SNTG2: variants seen among roughly 807,000 people sequenced by gnomAD.
The protein encoded by SNTG2 is syntrophin gamma 2.
In SNTG2, 74 loss-of-function variants were observed where a neutral mutation model predicts 70.9. The ratio of observed to expected loss-of-function variants is 1.04; its 90% CI spans 0.86 to 1.27. The LOEUF (loss-of-function observed/expected upper bound fraction) is 1.27, where lower values mean the gene tolerates loss of function less well. Among genes scored for constraint, SNTG2 ranks in the 50% most tolerant of loss-of-function variants. The probability of loss-of-function intolerance (pLI) is 0.00; values close to 1 mark genes in which losing one functional copy is unlikely to be tolerated. For synonymous variants in SNTG2, 278 were observed against 273.8 expected (o/e 1.02, Z -0.15); for missense variants, 717 against 690.7 (o/e 1.04, Z -0.43).
At chr2:966,752 C>G (rs921462525) in intron 1 of SNTG2, among the ~76,000 whole-genome samples, 16 of 152,232 alleles carry the variant, frequency 1.1e-4, no homozygotes, top group African/African-American at 3.6e-4. Flanking sequence ...CGAGACCAGC[C>G]TGACCAACAT....
chr2:1,210,678 T>C (rs1673982296), intron 9 of SNTG2: 1 of 152,244 alleles, frequency 6.6e-6, no homozygotes, highest in Non-Finnish European at 1.5e-5. Flanking sequence ...GCTCTATTCA[T>C]GGTGAGTTTC....
chr2:1,162,058 T>C (rs551491992), intron 6 of SNTG2, among the ~76,000 whole-genome samples: 147 of 108,202 alleles, frequency 1.4e-3, no homozygotes, highest in African/African-American at 3.8e-3. Flanking sequence ...TGGGCGACAG[T>C]GAGACTCCGT....
chr2:1,245,911 T>C (rs1041764308), intron 11 of SNTG2, among the ~76,000 whole-genome samples: 2 of 152,070 alleles, frequency 1.3e-5, no homozygotes, highest in Non-Finnish European at 2.9e-5. Context: ...ATTCTACCCG[T>C]TTCATGATGG....
chr2:1,242,166 C>T (rs1677095673), intron 11 of SNTG2, among the ~76,000 whole-genome samples: 1 of 152,038 alleles, frequency 6.6e-6, no homozygotes, highest in South Asian at 2.1e-4. Context: ...CACGTTTTCT[C>T]CAAAAGTGGT....
intron 16 of SNTG2, among the ~76,000 whole-genome samples, chr2:1,320,066 T>G (rs1299001469): frequency 2.0e-5 from 3 of 152,196 alleles, no homozygotes; most frequent in Non-Finnish European, 4.4e-5. Context: ...GTGGTAACCA[T>G]GAAACAAGTT....
At chr2:1,150,514 G>A (rs1363406502) in intron 6 of SNTG2, among the ~76,000 whole-genome samples, 2 of 152,232 alleles carry the variant, frequency 1.3e-5, no homozygotes, top group East Asian at 3.9e-4. Context: ...GGCTTGGTGT[G>A]CGCCTCCTGA....
chr2:1,330,340 TC>T (rs1404154029), intron 16 of SNTG2, among the ~76,000 whole-genome samples: 2 of 152,216 alleles, frequency 1.3e-5, no homozygotes, highest in Admixed American at 1.3e-4. Flanking sequence ...TCTGTGGTGG[TC>T]TAAAGAATTT....
Position 1,154,999 on chromosome 2 carries a change from C to T in SNTG2, c.412-10549C>T, listed in dbSNP as rs1198289086. 6.1e-5 allele frequency among the ~76,000 whole-genome samples: 5 copies of T among 82,628 alleles called. No homozygotes were observed. In the East Asian group the frequency reaches 1.1e-3, roughly 18 times the overall value. 54.2% of individuals were successfully genotyped at this position (82,628 alleles called of 152,430 possible). On this transcript the variant is annotated intron_variant, in intron 6 of 16. Coordinates refer to ENST00000308624, the MANE Select transcript of SNTG2 (RefSeq NM_018968.4). ...ACCACATACACCACACATATACACA[C>T]ACACAAACAACACATAGTCATACAC...
rs762590893 is a variant in SNTG2, at chr2:1,247,380, A to C, written c.942A>C (p.Gln314His). 2 of 1,613,906 alleles carry C rather than the reference A, an allele frequency of 1.2e-6. No homozygotes were observed. Among genetic ancestry groups the C allele is most frequent in the Non-Finnish European group, 1.7e-6 (2 of 1,179,870 alleles). Residue 314 changes from glutamine (Q) to histidine (H), a missense_variant, in exon 12 of 17, where the codon CAA becomes CAC. Gln to His is a conservative substitution (Grantham distance 24, BLOSUM62 0). Coordinates refer to ENST00000308624, the MANE Select transcript of SNTG2 (RefSeq NM_018968.4). The stretch of plus-strand genomic sequence containing the variant: ...AACTCCAAGGAGCTGACTCCTCTCA[A>C]ACCTTCAGACCCAAGTTCCTAGCAC... The part of the protein sequence containing the change: ...NEKLQGADSS[Q>H]TFRPKFLALK...
At chr2:1,033,796 T>C (rs1660977072) in intron 1 of SNTG2, among the ~76,000 whole-genome samples, 1 of 152,170 alleles carries the variant, frequency 6.6e-6, no homozygotes, top group Non-Finnish European at 1.5e-5. Flanking sequence ...TTTCACAAAG[T>C]AACTCAAGAT....
chr2:985,704 G>A (rs1021682516), intron 1 of SNTG2, among the ~76,000 whole-genome samples: 1 of 152,128 alleles, frequency 6.6e-6, no homozygotes, highest in Non-Finnish European at 1.5e-5. Flanking sequence ...ACACAAGTTG[G>A]TAAGTAACCC....
intron 9 of SNTG2, among the ~76,000 whole-genome samples, chr2:1,213,509 C>T (rs1377172666): frequency 1.3e-5 from 2 of 152,064 alleles, no homozygotes; most frequent in Non-Finnish European, 2.9e-5. Flanking sequence ...TTAATAAAAA[C>T]AAGTAAGATA....
intron 4 of SNTG2, among the ~76,000 whole-genome samples, chr2:1,106,359 A>G (rs1435173327): frequency 3.3e-5 from 4 of 122,676 alleles, no homozygotes; most frequent in South Asian, 2.6e-4. Context: ...GGTGCAGGGT[A>G]TGGAGAGCTC....
At chr2:1,201,562 T>C (rs1673279536) in intron 8 of SNTG2, among the ~76,000 whole-genome samples, 1 of 151,824 alleles carries the variant, frequency 6.6e-6, no homozygotes, top group Non-Finnish European at 1.5e-5. Context: ...GCTATATGGC[T>C]TATGGAGGAA....
At chr2:1,059,445 C>G (rs1662674216) in intron 1 of SNTG2, 1 of 152,034 alleles carries the variant, frequency 6.6e-6, no homozygotes, top group Non-Finnish European at 1.5e-5. Flanking sequence ...GTGAAGTTTA[C>G]TAGAAGGATT....
intron 8 of SNTG2, 98 bp downstream of exon 8, chr2:1,173,281 G>C (rs892992899): frequency 9.0e-7 from 1 of 1,109,060 alleles, no homozygotes; most frequent in Non-Finnish European, 1.3e-6. Flanking sequence ...GTACTGCCCA[G>C]TGAAGATAAT....
At chr2:961,121 G>A (rs113604697) in intron 1 of SNTG2, among the ~76,000 whole-genome samples, 3,001 of 152,328 alleles carry the variant, frequency 0.02, 92 homozygotes, top group African/African-American at 0.068. Flanking sequence ...ATGAGAAATT[G>A]TCATGGTAAA....
chr2:1,050,847 C>T (rs910787697), intron 1 of SNTG2, among the ~76,000 whole-genome samples: 7 of 152,060 alleles, frequency 4.6e-5, no homozygotes, highest in African/African-American at 1.4e-4. Flanking sequence ...AAATTCCTCC[C>T]AATAATGTTT....
chr2:984,222 C>T (rs1020889666), intron 1 of SNTG2, among the ~76,000 whole-genome samples: 4 of 150,344 alleles, frequency 2.7e-5, no homozygotes, highest in East Asian at 1.9e-4. Flanking sequence ...TCACTTATTT[C>T]GAACAGCCTT....
Sources: allele counts gnomAD v4.1 joint callset (sites outside exome capture counted in the v4.1 genomes callset), GRCh38; gene constraint gnomAD v4.1.1; transcripts MANE v1.5; gene names NCBI Gene and HGNC (gene_info 2026-07-23, HGNC 2026-07-21).